PTPRQ: variants seen among roughly 807,000 people sequenced by gnomAD.
PTPRQ encodes the protein phosphatidylinositol phosphatase PTPRQ.
PTPRQ carries 199 observed loss-of-function variants against 246.0 expected under a neutral mutation model. The ratio of observed to expected loss-of-function variants is 0.81; its 90% CI spans 0.72 to 0.91. PTPRQ has a LOEUF of 0.91. Ranked by LOEUF, PTPRQ falls within the 40% of genes least tolerant of loss-of-function variation. PTPRQ has a pLI of 0.00. For synonymous variants in PTPRQ, 869 were observed against 853.2 expected (o/e 1.02, Z -0.32); for missense variants, 2,624 against 2,528.4 (o/e 1.04, Z -0.81).
In PTPRQ at chr12:80,610,568, G is replaced by A. The variant is rs772478068; in HGVS notation, c.4861G>A (p.Ala1621Thr). 6.5e-7 allele frequency: 1 copy of A among 1,543,650 alleles called. No homozygotes were observed. The highest frequency in any genetic ancestry group is 8.8e-7 in the Non-Finnish European group (1 of 1,141,504). ...CACTGCATTTACTGGGAACATTAGT[G>A]CTGCATATGTAGAAGGGAAGTCAAG... ...VITAFTGNIS[A>T]AYVEGKSSAE... The change falls in exon 28 of 45, where the codon GCT becomes ACT. Residue 1621 changes from alanine to threonine, a missense_variant. Ala to Thr is a moderately conservative substitution (Grantham distance 58). Coordinates refer to ENST00000644991, the MANE Select transcript of PTPRQ (RefSeq NM_001145026.2).
At chr12:80,616,061 A>G (rs1898743203) in intron 29 of PTPRQ, 139 bp from the exon 30 acceptor site, 1 of 438,218 alleles carries the variant, frequency 2.3e-6, no homozygotes. Flanking sequence ...TTAAAATTAC[A>G]TGTAACCATA....
chr12:80,501,830 T>C (rs757086839), intron 14 of PTPRQ, among the ~76,000 whole-genome samples: 4 of 151,898 alleles, frequency 2.6e-5, no homozygotes, highest in Non-Finnish European at 4.4e-5. Flanking sequence ...AGATGGGGCA[T>C]ACAATTGATT....
At chr12:80,625,458 A>C (rs908174753) in intron 33 of PTPRQ, among the ~76,000 whole-genome samples, 3 of 152,128 alleles carry the variant, frequency 2.0e-5, no homozygotes, top group Admixed American at 2.0e-4. Flanking sequence ...GTCTGTTGAA[A>C]CTTTGGGATT....
chr12:80,663,148 AT>A (rs1900684055), intron 39 of PTPRQ, among the ~76,000 whole-genome samples: 1 of 151,908 alleles, frequency 6.6e-6, no homozygotes, highest in Admixed American at 6.6e-5. Flanking sequence ...ACATAGATAT[AT>A]GTATTAAAAA....
chr12:80,651,738 C>T (rs926294834), intron 37 of PTPRQ, among the ~76,000 whole-genome samples: 33 of 151,862 alleles, frequency 2.2e-4, no homozygotes, highest in Non-Finnish European at 7.4e-5. Context: ...TTAAACTCAC[C>T]TTTTTTCTCC....
intron 25 of PTPRQ, among the ~76,000 whole-genome samples, chr12:80,554,803 C>T (rs756017740): frequency 3.4e-4 from 52 of 152,120 alleles, no homozygotes; most frequent in Admixed American, 6.5e-4. Context: ...AGTGCAGTGG[C>T]TTTATCTCAG....
chr12:80,677,530 C>T (rs1281170639), intron 43 of PTPRQ, among the ~76,000 whole-genome samples: 2 of 152,204 alleles, frequency 1.3e-5, no homozygotes, highest in Non-Finnish European at 2.9e-5. Flanking sequence ...ACTTATTATA[C>T]AACTACTATG....
At chr12:80,507,992 T>A (rs914354979) in intron 16 of PTPRQ, among the ~76,000 whole-genome samples, 1 of 151,998 alleles carries the variant, frequency 6.6e-6, no homozygotes, top group African/African-American at 2.4e-5. Context: ...ATGGTAAGAA[T>A]TTGAGATCTT....
chr12:80,450,837 C>A (rs1361810796), intron 3 of PTPRQ, among the ~76,000 whole-genome samples: 1 of 152,136 alleles, frequency 6.6e-6, no homozygotes, highest in Non-Finnish European at 1.5e-5. Context: ...GTCTAAAATT[C>A]TCTTTTTTGG....
intron 35 of PTPRQ, among the ~76,000 whole-genome samples, chr12:80,644,920 G>T (rs1006398191): frequency 1.3e-5 from 2 of 151,956 alleles, no homozygotes; most frequent in African/African-American, 4.8e-5. Flanking sequence ...GAAATAGTCA[G>T]GTAATGTACC....
intron 37 of PTPRQ, among the ~76,000 whole-genome samples, chr12:80,650,111 T>C (rs1344076031): frequency 1.3e-5 from 2 of 152,056 alleles, no homozygotes; most frequent in Admixed American, 6.6e-5. Flanking sequence ...GTGATATAGA[T>C]GAATGTGAGA....
At chr12:80,596,505 T>C (rs1897975123) in intron 26 of PTPRQ, among the ~76,000 whole-genome samples, 1 of 151,954 alleles carries the variant, frequency 6.6e-6, no homozygotes, top group African/African-American at 2.4e-5. Flanking sequence ...ATTAATAGCT[T>C]AGCTGTATTT....
chr12:80,651,145 TA>T (rs1224362981), intron 37 of PTPRQ, among the ~76,000 whole-genome samples: 1 of 152,084 alleles, frequency 6.6e-6, no homozygotes, highest in Non-Finnish European at 1.5e-5. Flanking sequence ...TCTTCATTTG[TA>T]AAATTATAAT....
intron 14 of PTPRQ, among the ~76,000 whole-genome samples, chr12:80,501,839 T>C (rs1370851113): frequency 7.9e-5 from 12 of 151,780 alleles, no homozygotes; most frequent in Admixed American, 7.9e-4. Flanking sequence ...ATACAATTGA[T>C]TAGTGTTTGG....
chr12:80,467,973 G>A (rs752683435), intron 6 of PTPRQ, among the ~76,000 whole-genome samples: 17 of 152,106 alleles, frequency 1.1e-4, no homozygotes, highest in East Asian at 7.8e-4. Flanking sequence ...TAACCTGCAC[G>A]TTGTGCACAT....
At chr12:80,591,891 C>A (rs746910332) in intron 26 of PTPRQ, among the ~76,000 whole-genome samples, 1 of 152,100 alleles carries the variant, frequency 6.6e-6, no homozygotes, top group Non-Finnish European at 1.5e-5. Context: ...AGGAAGTGAA[C>A]TTTTTAAATG....
At chr12:80,615,246 A>G (rs1050194120) in intron 29 of PTPRQ, among the ~76,000 whole-genome samples, 2 of 150,914 alleles carry the variant, frequency 1.3e-5, no homozygotes, top group Non-Finnish European at 3.0e-5. Context: ...AGGCATTTTC[A>G]AGCCACATTT....
In PTPRQ at chr12:80,460,900, C is replaced by G; in HGVS notation, c.908C>G (p.Ser303Ter). The change falls in exon 6 of 45, where the codon TCA (serine) becomes TGA (stop). Residue 303 changes from serine to a stop codon, truncating the protein, a stop_gained and splice_region_variant. Transcript: ENST00000644991. LOFTEE classifies it high-confidence loss of function. ...AGTACGATTGTCAGAACACCAGAATCAGGTATGGTTCACTTTTTGTAGATA... is the reference window on the plus strand; with the variant it reads ...AGTACGATTGTCAGAACACCAGAATGAGGTATGGTTCACTTTTTGTAGATA... Reference protein sequence around the residue: ...IDSTIVRTPESVPEGPPQNCV... With the variant: ...IDSTIVRTPE 1 of 400,560 alleles carries G rather than the reference C, an allele frequency of 2.5e-6. No homozygotes were observed. 24.8% of individuals were successfully genotyped at this position (400,560 alleles called of 1,614,324 possible).
At chr12:80,538,522 G>T (rs561866273) in intron 19 of PTPRQ, among the ~76,000 whole-genome samples, 2 of 152,190 alleles carry the variant, frequency 1.3e-5, no homozygotes, top group East Asian at 1.9e-4. Flanking sequence ...TGTATTGGAA[G>T]GTATTAAAGT....
Sources: allele counts gnomAD v4.1 joint callset (sites outside exome capture counted in the v4.1 genomes callset), GRCh38; gene constraint gnomAD v4.1.1; transcripts MANE v1.5; gene names NCBI Gene and HGNC (gene_info 2026-07-23, HGNC 2026-07-21).